ROR2: variants seen among roughly 807,000 people sequenced by gnomAD.
The protein encoded by ROR2 is tyrosine-protein kinase transmembrane receptor ROR2.
ROR2 carries 33 observed loss-of-function variants against 74.9 expected under a neutral mutation model. The ratio of observed to expected loss-of-function variants is 0.44; its 90% CI spans 0.33 to 0.59. ROR2 has a LOEUF of 0.59. ROR2 is among the 20% of genes least tolerant of loss of function. The pLI is 0.02. For synonymous variants in ROR2, 586 were observed against 558.7 expected (o/e 1.05, Z -0.69); for missense variants, 1,216 against 1,313.8 (o/e 0.93, Z 1.15).
intron 1 of ROR2, among the ~76,000 whole-genome samples, chr9:91,784,776 C>T (rs4378021): frequency 0.48 from 72,809 of 152,138 alleles, 19,932 homozygotes; most frequent in Non-Finnish European, 0.62. Context: ...AAATACTTCC[C>T]TCCACATGTA....
At chr9:91,761,011 G>C (rs900184786) in intron 2 of ROR2, among the ~76,000 whole-genome samples, 5 of 152,160 alleles carry the variant, frequency 3.3e-5, no homozygotes, top group Non-Finnish European at 5.9e-5. Flanking sequence ...CATCTACATA[G>C]TGTACTAATT....
intron 1 of ROR2, among the ~76,000 whole-genome samples, chr9:91,827,395 G>A (rs1828329177): frequency 6.6e-6 from 1 of 152,052 alleles, no homozygotes; most frequent in South Asian, 2.1e-4. Flanking sequence ...TGGGCAACAA[G>A]AGTAAAACCC....
intron 1 of ROR2, among the ~76,000 whole-genome samples, chr9:91,920,813 CAAAG>C (rs944672287): frequency 6.6e-6 from 1 of 152,162 alleles, no homozygotes; most frequent in African/African-American, 2.4e-5. Context: ...CTATGGGGCA[CAAAG>C]AAAGATCTGA....
intron 1 of ROR2, among the ~76,000 whole-genome samples, chr9:91,945,269 G>A (rs1831985263): frequency 6.6e-6 from 1 of 152,122 alleles, no homozygotes; most frequent in African/African-American, 2.4e-5. Flanking sequence ...ATAGCTGTGT[G>A]TGCCTGGTGG....
chr9:91,867,656 CTGTGTGTGTGTGTG>C lies in ROR2; in HGVS notation c.97+82197_97+82210del, dbSNP rs57475950. Among the ~76,000 whole-genome samples, 460 of 131,378 alleles carry C rather than the reference CTGTGTGTGTGTGTG, an allele frequency of 3.5e-3. 3 individuals are homozygous for C. Among genetic ancestry groups the C allele is most frequent in the South Asian group, 0.017 (63 of 3,762 alleles). The allele number at this position is 131,378 out of a possible 152,430, so 86.2% of individuals were successfully genotyped here. A position where few individuals can be genotyped will look rare whatever the true frequency, so the allele number is the denominator to read the frequency against. ...ACAAGTTCCTGAGACCACCCATGAG[CTGTGTGTGTGTGTG>C]TGTGTGTGTGTGTGTGTGTGTGTGT... On this transcript the variant is annotated intron_variant, in intron 1 of 8. Coordinates refer to ENST00000375708, the MANE Select transcript of ROR2 (RefSeq NM_004560.4).
At chr9:91,911,907 C>T (rs530155473) in intron 1 of ROR2, among the ~76,000 whole-genome samples, 1 of 147,166 alleles carries the variant, frequency 6.8e-6, no homozygotes, top group East Asian at 2.0e-4. Context: ...TGTCTTCCTG[C>T]CCAGTGTCCA....
intron 1 of ROR2, among the ~76,000 whole-genome samples, chr9:91,910,159 C>T (rs1185782297): frequency 2.0e-5 from 3 of 152,018 alleles, no homozygotes; most frequent in African/African-American, 7.3e-5. Context: ...CATGCCCAGC[C>T]AATCTTTACT....
chr9:91,759,263 C>T (rs917942471), intron 2 of ROR2, among the ~76,000 whole-genome samples: 7 of 152,094 alleles, frequency 4.6e-5, no homozygotes, highest in East Asian at 1.9e-4. Flanking sequence ...TCTTCATTCA[C>T]GGGACAGTGG....
chr9:91,860,953 T>C (rs1829452457), intron 1 of ROR2, among the ~76,000 whole-genome samples: 1 of 152,234 alleles, frequency 6.6e-6, no homozygotes, highest in Admixed American at 6.5e-5. Context: ...TGTATTTCTA[T>C]ATGCTAGCAA....
intron 1 of ROR2, among the ~76,000 whole-genome samples, chr9:91,872,389 T>C (rs1829822872): frequency 6.6e-6 from 1 of 152,334 alleles, no homozygotes; most frequent in Middle Eastern, 3.4e-3. Context: ...CTGACAAATG[T>C]CCATGAACCC....
intron 1 of ROR2, among the ~76,000 whole-genome samples, chr9:91,832,877 C>T (rs1423860568): frequency 6.6e-6 from 1 of 152,180 alleles, no homozygotes; most frequent in Non-Finnish European, 1.5e-5. Flanking sequence ...AAATCGGGGC[C>T]TCCTATAGCC....
At chr9:91,919,168 A>G (rs1261027340) in intron 1 of ROR2, among the ~76,000 whole-genome samples, 1 of 152,244 alleles carries the variant, frequency 6.6e-6, no homozygotes, top group Non-Finnish European at 1.5e-5. Flanking sequence ...CTGCCAGGAT[A>G]ACAATATTGG....
At chr9:91,928,931 G>C (rs1380585136) in intron 1 of ROR2, among the ~76,000 whole-genome samples, 2 of 152,218 alleles carry the variant, frequency 1.3e-5, no homozygotes, top group Non-Finnish European at 2.9e-5. Flanking sequence ...CAATTATCCT[G>C]CTTATTTTGC....
intron 1 of ROR2, among the ~76,000 whole-genome samples, chr9:91,935,352 G>A (rs2117992778): frequency 6.6e-6 from 1 of 152,288 alleles, no homozygotes; most frequent in South Asian, 2.1e-4. Flanking sequence ...CTGCTTCAGG[G>A]CCTACCCCTG....
rs538046952 is a variant in ROR2 at position 91,858,864 on chromosome 9, G to C, written c.98-83046C>G. ...CTGATGAGGTTTACAGAAAGGTTAA[G>C]CAGCTCGCCCAAGATCATGCAGCTA... On this transcript the variant is annotated intron_variant, in intron 1 of 8. Transcript: ENST00000375708. 2.6e-5 allele frequency among the ~76,000 whole-genome samples: 4 copies of C among 152,288 alleles called. No individual in the cohort carries two copies. In the South Asian group the frequency reaches 8.3e-4, roughly 32 times the overall value.
intron 1 of ROR2, among the ~76,000 whole-genome samples, chr9:91,884,957 T>G (rs1830229453): frequency 6.6e-6 from 1 of 152,140 alleles, no homozygotes; most frequent in African/African-American, 2.4e-5. Flanking sequence ...CTTAACTTGG[T>G]ATTTTCTGTG....
chr9:91,760,121 T>C (rs71494475), intron 2 of ROR2, among the ~76,000 whole-genome samples: 12,885 of 152,284 alleles, frequency 0.085, 680 homozygotes, highest in Middle Eastern at 0.14. Context: ...TGTTGTTCAG[T>C]TGGCCAAGGC....
chr9:91,755,017 T>A (rs1825700389), intron 4 of ROR2, among the ~76,000 whole-genome samples: 1 of 152,116 alleles, frequency 6.6e-6, no homozygotes, highest in Non-Finnish European at 1.5e-5. Flanking sequence ...TCCGGGTGTG[T>A]GGTGGCACGC....
intron 1 of ROR2, among the ~76,000 whole-genome samples, chr9:91,832,593 G>A (rs1010297525): frequency 4.6e-5 from 7 of 152,010 alleles, no homozygotes; most frequent in African/African-American, 1.2e-4. Flanking sequence ...GCAAAGCAGC[G>A]GCTTTTCTGA....
Sources: allele counts gnomAD v4.1 joint callset (sites outside exome capture counted in the v4.1 genomes callset), GRCh38; gene constraint gnomAD v4.1.1; transcripts MANE v1.5; gene names NCBI Gene and HGNC (gene_info 2026-07-23, HGNC 2026-07-21).